The following CPLX2 variants were observed in gnomAD, a reference collection of about 807,000 sequenced individuals.
CPLX2 encodes complexin-2.
In CPLX2, 5 loss-of-function variants were observed where a neutral mutation model predicts 16.3. The observed-to-expected ratio is 0.31, with a 90% CI of 0.16 to 0.64. CPLX2 has a LOEUF of 0.64. Ranked by LOEUF, CPLX2 falls within the 30% of genes least tolerant of loss-of-function variation. CPLX2 has a pLI of 0.79. For missense variants in CPLX2, 144 were observed against 181.4 expected (o/e 0.79, Z 1.18); for synonymous variants, 89 against 73.2 (o/e 1.22, Z -1.10).
intron 2 of CPLX2, among the ~76,000 whole-genome samples, chr5:175,855,938 T>C (rs1462613355): frequency 6.6e-6 from 1 of 152,064 alleles, no homozygotes; most frequent in African/African-American, 2.4e-5. Context: ...GCGTCTACCA[T>C]AGCAACCACA....
chr5:175,843,720 T>C (rs1758990327), intron 2 of CPLX2, among the ~76,000 whole-genome samples: 1 of 152,218 alleles, frequency 6.6e-6, no homozygotes, highest in Non-Finnish European at 1.5e-5. Context: ...TCTCGCTCCA[T>C]GTGAGCCAGG....
At chr5:175,806,773 C>T (rs1323235857) in intron 1 of CPLX2, among the ~76,000 whole-genome samples, 1 of 151,930 alleles carries the variant, frequency 6.6e-6, no homozygotes, top group East Asian at 1.9e-4. Flanking sequence ...GCTGGGATTA[C>T]AGGTGTGAGC....
In CPLX2 at chr5:175,849,579, CAG is replaced by C. The variant is rs1295422792; in HGVS notation, c.-88-29072_-88-29071del. On this transcript the variant is annotated intron_variant, in intron 2 of 4. Transcript: ENST00000359546. This position sits in a 1 kb window ranked among gnomAD's most constrained non-coding sequence, Gnocchi z 4.4. Reference sequence around the variant, plus strand: ...CACAAGGGGGTGCTACCACGCTGGACAGGGGACCACACTGGCTGGGGGAGCCT... The same window carrying C: ...CACAAGGGGGTGCTACCACGCTGGACGGGACCACACTGGCTGGGGGAGCCT... Among the ~76,000 whole-genome samples, 1 of 152,188 alleles carries C rather than the reference CAG, an allele frequency of 6.6e-6. No individual in the cohort carries two copies. The highest frequency in any genetic ancestry group is 6.5e-5 in the Admixed American group (1 of 15,280).
chr5:175,839,581 C>T (rs954623034), intron 2 of CPLX2, among the ~76,000 whole-genome samples: 3 of 152,304 alleles, frequency 2.0e-5, no homozygotes, highest in Admixed American at 6.5e-5. Flanking sequence ...CCACCTCATC[C>T]GGCCTCAACC....
chr5:175,879,996 C>T lies in CPLX2; in HGVS notation c.356C>T (p.Thr119Met). The T allele has an allele frequency of 1.9e-6, 3 of 1,614,000 alleles. No individual in the cohort carries two copies. Among genetic ancestry groups the T allele is most frequent in the Non-Finnish European group, 1.7e-6 (2 of 1,179,960 alleles). The part of the protein sequence containing the change: ...EEEEEESILD[T>M]VLKYLPGPLQ... ...GAGGAAGAGGAGAGCATCCTGGACA[C>T]GGTGCTCAAATACCTGCCCGGGCCG... The change falls in exon 4 of 4, where the codon ACG becomes ATG. Residue 119 changes from threonine to methionine, a missense_variant. Coordinates refer to ENST00000393745, the MANE Select transcript of CPLX2 (RefSeq NM_001008220.2).
At chr5:175,878,847 T>G in intron 2 of CPLX2, 61 bp from the exon 3 acceptor site, 1 of 1,602,016 alleles carries the variant, frequency 6.2e-7, no homozygotes, top group South Asian at 1.1e-5. Flanking sequence ...ACCCGGCCCC[T>G]CTCTCCCCAG....
At chr5:175,819,651 C>G (rs998521606) in intron 2 of CPLX2, among the ~76,000 whole-genome samples, 1 of 152,150 alleles carries the variant, frequency 6.6e-6, no homozygotes, top group African/African-American at 2.4e-5. Context: ...AAGTGGGTGT[C>G]CTGGAACCTC....
intron 2 of CPLX2, among the ~76,000 whole-genome samples, chr5:175,843,723 G>C (rs964779736): frequency 6.6e-6 from 1 of 152,250 alleles, no homozygotes; most frequent in Non-Finnish European, 1.5e-5. Context: ...CGCTCCATGT[G>C]AGCCAGGCTG....
At chr5:175,841,376 C>T (rs1544924) in intron 2 of CPLX2, among the ~76,000 whole-genome samples, 23,801 of 146,958 alleles carry the variant, frequency 0.16, 2,200 homozygotes, top group East Asian at 0.29. Context: ...CACCAGCACA[C>T]AACAAAGCAC....
At chr5:175,824,052 C>A (rs1236649453) in intron 2 of CPLX2, among the ~76,000 whole-genome samples, 1 of 152,170 alleles carries the variant, frequency 6.6e-6, no homozygotes, top group Non-Finnish European at 1.5e-5. Context: ...CCACAGGCCC[C>A]CTGCCAGCCA....
chr5:175,840,259 G>A (rs1386109208), intron 2 of CPLX2, among the ~76,000 whole-genome samples: 1 of 151,834 alleles, frequency 6.6e-6, no homozygotes, highest in East Asian at 1.9e-4. Flanking sequence ...GCCAACCTCA[G>A]CAACTAAAAA....
chr5:175,878,868 T>C lies in CPLX2; in HGVS notation c.32-40T>C, dbSNP rs746093286. 54 of 1,531,670 alleles carry C rather than the reference T, an allele frequency of 3.5e-5. No individual in the cohort carries two copies. The Middle Eastern group carries it at 7.1e-4, about 20-fold the overall frequency. The allele number at this position is 1,531,670 out of a possible 1,614,324, so 94.9% of individuals were successfully genotyped here. A position where few individuals can be genotyped will look rare whatever the true frequency, so the allele number is the denominator to read the frequency against. ...CCCCTCTCTCCCCAGCCCTGACCCC[T>C]AGCTGACCCCGCCCTCTCCTTCCCA... On this transcript the variant is annotated intron_variant, in intron 2 of 3. Coordinates refer to ENST00000393745, the MANE Select transcript of CPLX2 (RefSeq NM_001008220.2).
At chr5:175,844,820 G>C (rs1365898094) in intron 2 of CPLX2, among the ~76,000 whole-genome samples, 6 of 152,358 alleles carry the variant, frequency 3.9e-5, no homozygotes, top group African/African-American at 1.4e-4. Context: ...AGATGATGTA[G>C]GACATTGTGA....
chr5:175,868,710 C>A (rs200459618), upstream of CPLX2, among the ~76,000 whole-genome samples: 1 of 145,694 alleles, frequency 6.9e-6, no homozygotes, highest in East Asian at 2.0e-4. Context: ...TTTTTTTTTT[C>A]TTTTAGTGAG....
At chr5:175,822,620 ACT>A (rs1348273680) in intron 2 of CPLX2, among the ~76,000 whole-genome samples, 1 of 152,088 alleles carries the variant, frequency 6.6e-6, no homozygotes, top group East Asian at 1.9e-4. Context: ...TGACCACAAC[ACT>A]CTATCTTTCT....
At chr5:175,871,435 G>GAGAGAGAGAA (rs1759600592), upstream of CPLX2, 1 of 52,854 alleles carries the variant, frequency 1.9e-5, no homozygotes, top group African/African-American at 6.7e-5. Flanking sequence ...GAGAGAGACA[G>GAGAGAGAGAA]AGAGAGAGAG....
intron 2 of CPLX2, among the ~76,000 whole-genome samples, chr5:175,814,036 C>T (rs1223154095): frequency 6.6e-6 from 1 of 152,182 alleles, no homozygotes; most frequent in African/African-American, 2.4e-5. Flanking sequence ...AAAAATGAAC[C>T]TGTTACTCTT....
intron 2 of CPLX2, among the ~76,000 whole-genome samples, chr5:175,858,473 G>C (rs1561785519): frequency 6.6e-6 from 1 of 152,210 alleles, no homozygotes; most frequent in Non-Finnish European, 1.5e-5. Flanking sequence ...TTTGAGGAGA[G>C]CTACATCAAG....
intron 2 of CPLX2, among the ~76,000 whole-genome samples, chr5:175,827,015 A>G (rs1259062022): frequency 1.3e-5 from 2 of 152,166 alleles, no homozygotes; most frequent in Admixed American, 6.5e-5. Context: ...CTCTGTGTCC[A>G]GGCCAGCTCT....
Sources: gnomAD v4.1 joint callset for allele counts (sites outside exome capture counted in the v4.1 genomes callset) on GRCh38, gnomAD v4.1.1 for gene constraint, Gnocchi (gnomAD v3.1) non-coding constraint, MANE v1.5 for transcripts, NCBI Gene and HGNC (gene_info 2026-07-23, HGNC 2026-07-21) for gene names.